ATP1A1: variants seen among roughly 807,000 people sequenced by gnomAD.
ATP1A1 encodes the protein ATPase Na+/K+ transporting subunit alpha 1.
In ATP1A1, 14 loss-of-function variants were observed where a neutral mutation model predicts 114.8. That is an observed-to-expected ratio of 0.12 (90% confidence interval 0.08 to 0.19). ATP1A1 has a LOEUF of 0.19. ATP1A1 is among the 10% of genes least tolerant of loss of function. ATP1A1 has a pLI of 1.00. For synonymous variants in ATP1A1, 471 were observed against 466.3 expected, an observed-to-expected ratio of 1.01 and a Z score of -0.13; for missense variants, 524 against 1,290.7, an observed-to-expected ratio of 0.41 and a Z score of 9.10.
In ATP1A1 at chr1:116,389,093, A is replaced by T; in HGVS notation, c.754+74A>T. On this transcript the variant is annotated intron_variant, in intron 7 of 22. Coordinates refer to ENST00000295598, the MANE Select transcript of ATP1A1 (RefSeq NM_000701.8). This position sits in a 1 kb window ranked among gnomAD's most constrained non-coding sequence, Gnocchi z 6.9. Reference sequence around the variant, plus strand: ...CATTAACAAAATCAAAACCATAGGCACAATCTCTTGTTTTATTGGCTCCAT... The same window carrying T: ...CATTAACAAAATCAAAACCATAGGCTCAATCTCTTGTTTTATTGGCTCCAT... 7.5e-7 allele frequency: 1 copy of T among 1,328,512 alleles called. No individual in the cohort carries two copies. Among genetic ancestry groups the T allele is most frequent in the East Asian group, 2.3e-5 (1 of 43,530 alleles). 82.3% of individuals were successfully genotyped at this position (1,328,512 alleles called of 1,614,324 possible).
rs931385733 is a variant in ATP1A1, at chr1:116,384,251, C to G, written c.123+127C>G. 1 of 753,304 alleles carries G rather than the reference C, an allele frequency of 1.3e-6. No individual in the cohort carries two copies. Among genetic ancestry groups the G allele is most frequent in the South Asian group, 2.0e-5 (1 of 50,368 alleles). 46.7% of individuals were successfully genotyped at this position (753,304 alleles called of 1,614,324 possible). A position where few individuals can be genotyped will look rare whatever the true frequency, so the allele number is the denominator to read the frequency against. On this transcript the variant is annotated intron_variant, in intron 2 of 22. Transcript: ENST00000295598. This position sits in a 1 kb window ranked among gnomAD's most constrained non-coding sequence, Gnocchi z 5.1. Reference sequence around the variant, plus strand: ...AAGAGATCATAGCAGCTGTACAGATCTCATCTAGTCGTAGAGGTTAATGTT... The same window carrying G: ...AAGAGATCATAGCAGCTGTACAGATGTCATCTAGTCGTAGAGGTTAATGTT...
At chr1:116,382,152 G>T (rs1031507893) in intron 1 of ATP1A1, among the ~76,000 whole-genome samples, 1 of 152,152 alleles carries the variant, frequency 6.6e-6, no homozygotes, top group Non-Finnish European at 1.5e-5. Context: ...CAGCCTGGGC[G>T]ACAGAGTGAG....
chr1:116,404,331 G>T lies in ATP1A1; in HGVS notation c.3044-85G>T. ...ACCCGACCCCCATCATCCTCCGGTT[G>T]GTTTTCATCCCTGTTTCCCTCTGTA... On this transcript the variant is annotated intron_variant, in intron 22 of 22. Coordinates refer to ENST00000295598, the MANE Select transcript of ATP1A1 (RefSeq NM_000701.8). This position sits in a 1 kb window ranked among gnomAD's most constrained non-coding sequence, Gnocchi z 4.8. 6.5e-7 allele frequency: 1 copy of T among 1,545,834 alleles called. No homozygotes were observed. The highest frequency in any genetic ancestry group is 1.7e-4 in the Middle Eastern group (1 of 5,970).
Position 116,401,356 on chromosome 1 carries a change from C to T in ATP1A1, c.2849+96C>T. On this transcript the variant is annotated intron_variant, in intron 20 of 22. Coordinates refer to ENST00000295598, the MANE Select transcript of ATP1A1 (RefSeq NM_000701.8). This position sits in a 1 kb window ranked among gnomAD's most constrained non-coding sequence, Gnocchi z 4.7. ...AAAACTAAACATATGACACATATAG[C>T]CAGGTTTCTGGAATCTCTAGTTTAT... 6.3e-7 allele frequency: 1 copy of T among 1,575,554 alleles called. No homozygotes were observed. Among genetic ancestry groups the T allele is most frequent in the South Asian group, 1.1e-5 (1 of 87,126 alleles).
chr1:116,381,616 C>G lies in ATP1A1; in HGVS notation c.13-2398C>G, dbSNP rs1651747436. ...AGAAAAAGGAGAGTTATTAGGGAATCTAAATTCCCAACTAACTTTAGCACT... is the reference window on the plus strand; with the variant it reads ...AGAAAAAGGAGAGTTATTAGGGAATGTAAATTCCCAACTAACTTTAGCACT... On this transcript the variant is annotated intron_variant, in intron 1 of 22. Transcript: ENST00000295598. This position sits in a 1 kb window ranked among gnomAD's most constrained non-coding sequence, Gnocchi z 5.1. Among the ~76,000 whole-genome samples, 1 of 152,190 alleles carries G rather than the reference C, an allele frequency of 6.6e-6. No individual in the cohort carries two copies. The highest frequency in any genetic ancestry group is 1.5e-5 in the Non-Finnish European group (1 of 68,026).
chr1:116,374,228 A>C (rs376117429), intron 1 of ATP1A1: 271 of 1,551,532 alleles, frequency 1.7e-4, no homozygotes, highest in Non-Finnish European at 2.3e-4. Flanking sequence ...CACTGCCCTA[A>C]GATGGCCTTT....
intron 10 of ATP1A1, among the ~76,000 whole-genome samples, chr1:116,391,828 A>C (rs1174825120): frequency 6.6e-6 from 1 of 152,238 alleles, no homozygotes; most frequent in East Asian, 1.9e-4. Context: ...ACAAGTATCA[A>C]ATCTTTCCTG....
Position 116,395,343 on chromosome 1 carries a change from G to A in ATP1A1, c.1836+58G>A. On this transcript the variant is annotated intron_variant, in intron 13 of 22. Transcript: ENST00000295598. This position sits in a 1 kb window ranked among gnomAD's most constrained non-coding sequence, Gnocchi z 6.4. ...TTAGTGCCTTGGGACACCCTACTCA[G>A]TGAATGTTGCCTTTTGAGGTCCAGA... 6.4e-7 allele frequency: 1 copy of A among 1,571,830 alleles called. No homozygotes were observed. Among genetic ancestry groups the A allele is most frequent in the Non-Finnish European group, 8.6e-7 (1 of 1,158,622 alleles).
intron 1 of ATP1A1, chr1:116,373,794 C>A (rs865816205): frequency 1.5e-5 from 16 of 1,072,852 alleles, no homozygotes; most frequent in African/African-American, 2.1e-5. Context: ...CTGCGCGCCC[C>A]GGAGGCCGAG....
chr1:116,390,224 A>G lies in ATP1A1; in HGVS notation c.1035A>G (p.Thr345=). 1 of 1,614,166 alleles carries G rather than the reference A, an allele frequency of 6.2e-7. No homozygotes were observed. The highest frequency in any genetic ancestry group is 8.5e-7 in the Non-Finnish European group (1 of 1,180,028). ...GLLATVTVCL[T]LTAKRMARKN... is the part of the protein sequence containing the mutation. ...CTAATATTTTTTAGGTCTGTCTGAC[A>G]CTTACTGCCAAACGCATGGCAAGGA... The change falls in exon 9 of 23, where the codon ACA becomes ACG. Residue 345 remains threonine (T), a synonymous_variant. Transcript: ENST00000295598.
rs72693792 is a variant in ATP1A1 at position 116,384,457 on chromosome 1, G to T, written c.124-326G>T. The stretch of plus-strand genomic sequence containing the variant: ...ATGGAAGCTTCCATAGACTTAACCT[G>T]TCTAGAATCGACCTGGTCATCAGAG... On this transcript the variant is annotated intron_variant, in intron 2 of 22. Coordinates refer to ENST00000295598, the MANE Select transcript of ATP1A1 (RefSeq NM_000701.8). This position sits in a 1 kb window ranked among gnomAD's most constrained non-coding sequence, Gnocchi z 5.1. Among the ~76,000 whole-genome samples, 2 of 152,244 alleles carry T rather than the reference G, an allele frequency of 1.3e-5. No individual in the cohort carries two copies. Among genetic ancestry groups the T allele is most frequent in the South Asian group, 4.1e-4 (2 of 4,826 alleles).
rs761050494 is a variant in ATP1A1 at position 116,392,973 on chromosome 1, C to A, written c.1452C>A (p.Ser484=). The A allele has an allele frequency of 3.7e-6, 6 of 1,613,970 alleles. No individual in the cohort carries two copies. In the African/African-American group the frequency reaches 6.7e-5, roughly 18 times the overall value. The change falls in exon 11 of 23, where the codon TCC becomes TCA. Residue 484 remains serine (S), a synonymous_variant. Transcript: ENST00000295598. ...YAKIVEIPFN[S]TNKYQLSIHK... The stretch of plus-strand genomic sequence containing the variant: ...AAATCGTCGAGATACCCTTCAACTC[C>A]ACCAACAAGTACCAGGTCTGAAGAT...
At chr1:116,386,327 A>C (rs1188410107) in intron 3 of ATP1A1, among the ~76,000 whole-genome samples, 3 of 152,032 alleles carry the variant, frequency 2.0e-5, no homozygotes, top group Non-Finnish European at 4.4e-5. Context: ...TAGAGTCTTA[A>C]TGAAGTGTGC....
At chr1:116,380,456 G>A (rs61788010) in intron 1 of ATP1A1, among the ~76,000 whole-genome samples, 11,415 of 152,254 alleles carry the variant, frequency 0.075, 972 homozygotes, top group African/African-American at 0.21. Context: ...GGATGGGTAT[G>A]AAGGCCTTTG....
chr1:116,396,707 ACATCC>A lies in ATP1A1; in HGVS notation c.1949_1953del (p.Ile650SerfsTer18). 1 of 1,594,676 alleles carries A rather than the reference ACATCC, an allele frequency of 6.3e-7. No homozygotes were observed. The highest frequency in any genetic ancestry group is 8.6e-7 in the Non-Finnish European group (1 of 1,167,388). ...GTGGAAGACATTGCTGCCCGCCTCA[ACATCC>A]CAGTCAGCCAGGTGAACCCCAGGTA... On this transcript the variant is annotated frameshift_variant, in exon 14 of 23. Coordinates refer to ENST00000295598, the MANE Select transcript of ATP1A1 (RefSeq NM_000701.8). LOFTEE classifies it high-confidence loss of function.
chr1:116,401,102 A>G lies in ATP1A1; in HGVS notation c.2719-28A>G. 1.2e-6 allele frequency: 2 copies of G among 1,613,752 alleles called. No homozygotes were observed. The highest frequency in any genetic ancestry group is 1.7e-4 in the Middle Eastern group (1 of 6,060). On this transcript the variant is annotated intron_variant, in intron 19 of 22. Coordinates refer to ENST00000295598, the MANE Select transcript of ATP1A1 (RefSeq NM_000701.8). This position sits in a 1 kb window ranked among gnomAD's most constrained non-coding sequence, Gnocchi z 4.7. ...ACCAGCCATGCAGGTGAAGAGCCAG[A>G]GCTCATCTTCTGTCTTCTGCATTTC...
chr1:116,378,131 T>TAA (rs1196660194), intron 1 of ATP1A1, among the ~76,000 whole-genome samples: 1 of 152,222 alleles, frequency 6.6e-6, no homozygotes, highest in Non-Finnish European at 1.5e-5. Flanking sequence ...AAGTTCTTCA[T>TAA]ATTTATTTTG....
Position 116,399,353 on chromosome 1 carries a change from C to CAAA in ATP1A1, c.2449-65_2449-63dup. On this transcript the variant is annotated intron_variant, in intron 17 of 22. Transcript: ENST00000295598. This position sits in a 1 kb window ranked among gnomAD's most constrained non-coding sequence, Gnocchi z 5.0. Reference sequence around the variant, plus strand: ...AAATGGGAGGGCAAGAATTTTATAACAAAAGGTTCACAATATTAGCTTCCT... The same window carrying CAAA: ...AAATGGGAGGGCAAGAATTTTATAACAAAAAAAGGTTCACAATATTAGCTTCCT... 1 of 1,551,294 alleles carries CAAA rather than the reference C, an allele frequency of 6.4e-7. No individual in the cohort carries two copies. The highest frequency in any genetic ancestry group is 8.7e-7 in the Non-Finnish European group (1 of 1,148,868).
At chr1:116,392,329 T>C (rs1228939362) in intron 10 of ATP1A1, 1 of 152,336 alleles carries the variant, frequency 6.6e-6, no homozygotes, top group Non-Finnish European at 1.5e-5. Context: ...TGCACAGTTA[T>C]GATTAGAATG....
Sources: allele counts gnomAD v4.1 joint callset (sites outside exome capture counted in the v4.1 genomes callset), GRCh38; gene constraint gnomAD v4.1.1; non-coding constraint Gnocchi (gnomAD v3.1); transcripts MANE v1.5; gene names NCBI Gene and HGNC (gene_info 2026-07-23, HGNC 2026-07-21).